Variants in FRMD4A observed in about 807,000 individuals in gnomAD.
FRMD4A encodes FERM domain-containing protein 4A.
Under a neutral mutation model 129.1 loss-of-function variants are expected in FRMD4A, and 29 were observed. The ratio of observed to expected loss-of-function variants is 0.22; its 90% confidence interval spans 0.17 to 0.31. The LOEUF (loss-of-function observed/expected upper bound fraction) is 0.31. Ranked by LOEUF, FRMD4A falls within the 10% of genes least tolerant of loss-of-function variation. FRMD4A has a pLI of 1.00. For missense variants in FRMD4A, 1,272 were observed against 1,375.8 expected (o/e 0.92, Z 1.19); for synonymous variants, 634 against 571.6 (o/e 1.11, Z -1.56).
At chr10:13,886,388 A>C (rs905619463) in intron 2 of FRMD4A, among the ~76,000 whole-genome samples, 1 of 152,098 alleles carries the variant, frequency 6.6e-6, no homozygotes, top group Non-Finnish European at 1.5e-5. Flanking sequence ...TGAAGTGCAA[A>C]ATATCATTAA....
Position 13,644,866 on chromosome 10 carries a change from T to C in FRMD4A, c.*2172A>G, listed in dbSNP as rs1174983326. On this transcript the variant is annotated 3_prime_UTR_variant, in exon 25 of 25. Transcript: ENST00000357447. Reference sequence around the variant, plus strand: ...TAAAAGCAACAAAAATATCCCCCAGTGAATCCCTAGAATCATTTAATAATG... The same window carrying C: ...TAAAAGCAACAAAAATATCCCCCAGCGAATCCCTAGAATCATTTAATAATG... 6.6e-6 allele frequency: 1 copy of C among 152,242 alleles called. No homozygotes were observed. Among genetic ancestry groups the C allele is most frequent in the Admixed American group, 6.5e-5 (1 of 15,286 alleles). The allele number at this position is 152,242 out of a possible 1,614,324, so 9.4% of individuals were successfully genotyped here. A position where few individuals can be genotyped will look rare whatever the true frequency, so the allele number is the denominator to read the frequency against.
At chr10:14,057,680 C>T (rs546901362) in intron 2 of FRMD4A, among the ~76,000 whole-genome samples, 100 of 152,094 alleles carry the variant, frequency 6.6e-4, no homozygotes, top group Non-Finnish European at 1.0e-3. Flanking sequence ...AAGAGATTCT[C>T]CAGCCTCAGC....
chr10:13,896,815 T>C (rs761289536), intron 2 of FRMD4A, among the ~76,000 whole-genome samples: 3 of 152,328 alleles, frequency 2.0e-5, no homozygotes, highest in East Asian at 3.9e-4. Context: ...ATCCTTGGAA[T>C]TGACAGATAA....
chr10:14,310,542 C>T (rs940933633), intron 2 of FRMD4A, among the ~76,000 whole-genome samples: 1 of 152,174 alleles, frequency 6.6e-6, no homozygotes, highest in Non-Finnish European at 1.5e-5. Flanking sequence ...ACCTGGAAGC[C>T]AGGTATGTTC....
intron 2 of FRMD4A, among the ~76,000 whole-genome samples, chr10:14,143,451 T>C (rs938848134): frequency 6.6e-6 from 1 of 152,204 alleles, no homozygotes; most frequent in South Asian, 2.1e-4. Flanking sequence ...ACACAGCAAG[T>C]TGAATGGTGG....
At chr10:14,149,156 A>G (rs1840224169) in intron 2 of FRMD4A, among the ~76,000 whole-genome samples, 1 of 152,152 alleles carries the variant, frequency 6.6e-6, no homozygotes, top group Non-Finnish European at 1.5e-5. Context: ...TTCATAGACC[A>G]TTGTTTTTAT....
intron 2 of FRMD4A, among the ~76,000 whole-genome samples, chr10:14,314,458 C>T (rs939959690): frequency 9.9e-5 from 15 of 152,146 alleles, no homozygotes; most frequent in Non-Finnish European, 4.4e-5. Context: ...CTAACCTGCC[C>T]TATTTTGGCC....
chr10:14,301,220 A>G (rs1410288836), intron 2 of FRMD4A, among the ~76,000 whole-genome samples: 1 of 152,150 alleles, frequency 6.6e-6, no homozygotes, highest in Non-Finnish European at 1.5e-5. Context: ...TATTCACTGT[A>G]TGTGCTTCTT....
At chr10:14,097,190 T>C (rs1385040243) in intron 2 of FRMD4A, 1 of 147,644 alleles carries the variant, frequency 6.8e-6, no homozygotes, top group African/African-American at 2.5e-5. Context: ...AAAGGTGTCA[T>C]TTGTGGAAGA....
chr10:13,673,147 A>C (rs1302503588), intron 16 of FRMD4A, among the ~76,000 whole-genome samples: 2 of 152,138 alleles, frequency 1.3e-5, no homozygotes, highest in Non-Finnish European at 2.9e-5. Flanking sequence ...AAAGGCAGAC[A>C]CCCAAACTCA....
chr10:13,703,386 GCA>G (rs1430247047), intron 13 of FRMD4A, among the ~76,000 whole-genome samples: 3 of 152,218 alleles, frequency 2.0e-5, no homozygotes, highest in Non-Finnish European at 2.9e-5. Flanking sequence ...ATGAAGCTAA[GCA>G]TTGAGTTAGG....
chr10:13,666,014 C>T, intron 18 of FRMD4A, 83 bp downstream of exon 18: 1 of 794,068 alleles, frequency 1.3e-6, no homozygotes, highest in Non-Finnish European at 2.2e-6. Context: ...TCAGGTCGTG[C>T]AGGGACCACT....
intron 2 of FRMD4A, among the ~76,000 whole-genome samples, chr10:14,229,308 A>G (rs762416057): frequency 6.6e-6 from 1 of 152,168 alleles, no homozygotes; most frequent in Non-Finnish European, 1.5e-5. Context: ...TAAACACATT[A>G]TTTAAAACCA....
chr10:14,185,647 G>T (rs952539792), intron 2 of FRMD4A, among the ~76,000 whole-genome samples: 1 of 152,190 alleles, frequency 6.6e-6, no homozygotes, highest in African/African-American at 2.4e-5. Flanking sequence ...AGAGCTGCAG[G>T]GGCGGTTGTT....
At chr10:13,983,664 C>T (rs986354539) in intron 2 of FRMD4A, among the ~76,000 whole-genome samples, 2 of 151,982 alleles carry the variant, frequency 1.3e-5, no homozygotes, top group Admixed American at 6.6e-5. Flanking sequence ...CCAGGAGATA[C>T]CTAGGAGGTG....
chr10:13,805,304 A>T (rs1369365689), intron 4 of FRMD4A, among the ~76,000 whole-genome samples: 2 of 152,066 alleles, frequency 1.3e-5, no homozygotes, highest in African/African-American at 4.8e-5. Context: ...TCTCAAGCCC[A>T]GCCCATATTA....
rs559347530 is a variant in FRMD4A, at chr10:13,663,289, C to T, written c.1660+164G>A. On this transcript the variant is annotated intron_variant, in intron 19 of 24. Transcript: ENST00000357447. ...GGGTTTATGCAGCACCTACCCACTC[C>T]CAACCAAAGAGGTGAATACTGGGAA... Among the ~76,000 whole-genome samples, 26 of 91,810 alleles carry T rather than the reference C, an allele frequency of 2.8e-4. No individual in the cohort carries two copies. In the South Asian group the frequency reaches 9.6e-3, roughly 34 times the overall value. 60.2% of individuals were successfully genotyped at this position (91,810 alleles called of 152,430 possible). A position where few individuals can be genotyped will look rare whatever the true frequency, so the allele number is the denominator to read the frequency against.
At chr10:13,659,229 G>T in intron 21 of FRMD4A, 94 bp downstream of exon 21, 1 of 1,104,454 alleles carries the variant, frequency 9.1e-7, no homozygotes, top group Non-Finnish European at 1.4e-6. Flanking sequence ...AGGTCTGACT[G>T]TAGCTCATCC....
chr10:13,675,567 A>ATTTTTTTTTTTT (rs1564581383), intron 15 of FRMD4A: 1 of 153,244 alleles, frequency 6.5e-6, no homozygotes, highest in African/African-American at 2.4e-5. Flanking sequence ...ACACCCGGCT[A>ATTTTTTTTTTTT]ATTTTGTATT....
Sources: allele counts gnomAD v4.1 joint callset (sites outside exome capture counted in the v4.1 genomes callset), GRCh38; gene constraint gnomAD v4.1.1; transcripts MANE v1.5; gene names NCBI Gene and HGNC (gene_info 2026-07-23, HGNC 2026-07-21).